The following GABRG1 variants were observed in gnomAD, a reference collection of about 807,000 sequenced individuals.
The protein encoded by GABRG1 is gamma-aminobutyric acid type A receptor subunit gamma1.
A neutral mutation model predicts 49.8 loss-of-function variants in GABRG1; 49 were observed. That is an observed-to-expected ratio of 0.98 (90% CI 0.78 to 1.25). The LOEUF (loss-of-function observed/expected upper bound fraction) is 1.25. GABRG1 is among the 50% of genes most tolerant of loss of function. The pLI, the probability that GABRG1 is intolerant of heterozygous loss-of-function variation, is 0.00. For missense variants in GABRG1, 552 were observed against 552.3 expected (o/e 1.00, Z 0.01); for synonymous variants, 232 against 185.1 (o/e 1.25, Z -2.06).
At chr4:46,050,692 G>A (rs992497997) in intron 8 of GABRG1, among the ~76,000 whole-genome samples, 8 of 151,750 alleles carry the variant, frequency 5.3e-5, no homozygotes, top group Non-Finnish European at 1.0e-4. Flanking sequence ...AAGGATCCAG[G>A]TCTGAGTCTT....
At chr4:46,073,612 T>G (rs1719220623) in intron 3 of GABRG1, among the ~76,000 whole-genome samples, 1 of 151,988 alleles carries the variant, frequency 6.6e-6, no homozygotes, top group African/African-American at 2.4e-5. Context: ...GTATGAAACA[T>G]AGTATGGTAA....
chr4:46,087,736 C>A (rs1002478021), intron 2 of GABRG1, among the ~76,000 whole-genome samples: 4 of 151,856 alleles, frequency 2.6e-5, no homozygotes, highest in African/African-American at 7.2e-5. Flanking sequence ...TTTCCCTAGA[C>A]TATACAGCAG....
intron 1 of GABRG1, among the ~76,000 whole-genome samples, chr4:46,112,635 A>G (rs546538621): frequency 7.3e-5 from 11 of 151,330 alleles, no homozygotes; most frequent in Admixed American, 6.0e-4. Flanking sequence ...GTACATAAAC[A>G]CTACATAGCC....
At chr4:46,071,614 T>G (rs979499379) in intron 3 of GABRG1, among the ~76,000 whole-genome samples, 2 of 151,708 alleles carry the variant, frequency 1.3e-5, no homozygotes, top group Non-Finnish European at 2.9e-5. Context: ...TTATTGCCCC[T>G]GAAGACCTTC....
chr4:46,052,237 AAAAG>A (rs751867626), intron 7 of GABRG1, among the ~76,000 whole-genome samples: 6 of 151,898 alleles, frequency 4.0e-5, no homozygotes, highest in South Asian at 2.1e-4. Flanking sequence ...ATAAAAAAAA[AAAAG>A]AAATACCTAC....
intron 1 of GABRG1, among the ~76,000 whole-genome samples, chr4:46,105,780 G>GGGTA (rs764027344): frequency 0.03 from 3,603 of 122,094 alleles, 100 homozygotes; most frequent in Admixed American, 0.079. Context: ...ATGGATGGAT[G>GGGTA]GGTAGATAGA....
chr4:46,110,829 AAGAC>A (rs1720689776), intron 1 of GABRG1, among the ~76,000 whole-genome samples: 2 of 151,154 alleles, frequency 1.3e-5, no homozygotes, highest in Non-Finnish European at 3.0e-5. Flanking sequence ...TCAAGAAACT[AAGAC>A]TTGAAGGAAC....
At position 46,037,818 on chromosome 4, in the gene GABRG1, G is replaced by T. The variant is rs1414532883; in HGVS notation, c.*3170C>A. 2.0e-5 allele frequency: 3 copies of T among 151,480 alleles called. No homozygotes were observed. The highest frequency in any genetic ancestry group is 3.0e-5 in the Non-Finnish European group (2 of 67,720). 9.4% of individuals were successfully genotyped at this position (151,480 alleles called of 1,614,324 possible). ...TGTATTTTTCACAAATTTTGACCTG[G>T]AATATAATTTCACATTTATAACTAT... On this transcript the variant is annotated 3_prime_UTR_variant, in exon 9 of 9. Transcript: ENST00000295452.
At chr4:46,099,120 C>G (rs1203893876) in intron 1 of GABRG1, among the ~76,000 whole-genome samples, 1 of 151,606 alleles carries the variant, frequency 6.6e-6, no homozygotes, top group Non-Finnish European at 1.5e-5. Context: ...TTCTCCTCTT[C>G]TTGTGAAATA....
At chr4:46,072,785 G>A (rs1403230662) in intron 3 of GABRG1, among the ~76,000 whole-genome samples, 1 of 151,606 alleles carries the variant, frequency 6.6e-6, no homozygotes, top group Non-Finnish European at 1.5e-5. Context: ...TGTGATGCTA[G>A]CTTCGCATGT....
Position 46,038,624 on chromosome 4 carries a change from C to A in GABRG1, c.*2364G>T, listed in dbSNP as rs543402592. 1 of 151,430 alleles carries A rather than the reference C, an allele frequency of 6.6e-6. No homozygotes were observed. The highest frequency in any genetic ancestry group is 2.1e-4 in the South Asian group (1 of 4,816). The allele number at this position is 151,430 out of a possible 1,614,324, so 9.4% of individuals were successfully genotyped here. On this transcript the variant is annotated 3_prime_UTR_variant, in exon 9 of 9. Coordinates refer to ENST00000295452, the MANE Select transcript of GABRG1 (RefSeq NM_173536.4). ...TAGAGGAACAGGAAATGAACTGAAT[C>A]AGCTTTGAAAAAAAGCTGTATTTGA... is the stretch of plus-strand genomic sequence containing the variant.
At chr4:46,084,235 A>C (rs1188624447) in intron 2 of GABRG1, among the ~76,000 whole-genome samples, 182 bp from the exon 3 acceptor site, 1 of 151,732 alleles carries the variant, frequency 6.6e-6, no homozygotes, top group African/African-American at 2.4e-5. Flanking sequence ...TTTGCAAATC[A>C]GTCACAGATA....
At position 46,056,150 on chromosome 4, in the gene GABRG1, TTAAAAAAAAAA is replaced by T. The variant is rs1228798452; in HGVS notation, c.916+2056_916+2066del. Among the ~76,000 whole-genome samples the T allele has an allele frequency of 5.2e-4, 24 of 46,068 alleles. 2 individuals are homozygous for T. Among genetic ancestry groups the T allele is most frequent in the Non-Finnish European group, 9.8e-4 (19 of 19,296 alleles). 30.2% of individuals were successfully genotyped at this position (46,068 alleles called of 152,430 possible). A position where few individuals can be genotyped will look rare whatever the true frequency, so the allele number is the denominator to read the frequency against. On this transcript the variant is annotated intron_variant, in intron 7 of 8. Coordinates refer to ENST00000295452, the MANE Select transcript of GABRG1 (RefSeq NM_173536.4). Reference sequence around the variant, plus strand: ...AAAAAAAAAAAAATAAATAAATAAATTAAAAAAAAAAAAAAAAAAAAAAAAAAAAATAGTCT... The same window carrying T: ...AAAAAAAAAAAAATAAATAAATAAATAAAAAAAAAAAAAAAAAAATAGTCT...
chr4:46,041,468 C>T (rs1272303066), intron 8 of GABRG1, among the ~76,000 whole-genome samples: 1 of 151,556 alleles, frequency 6.6e-6, no homozygotes, highest in East Asian at 1.9e-4. Flanking sequence ...ATGAAATACC[C>T]CTGAAAAATA....
At chr4:46,063,690 TA>T (rs1718799213) in intron 5 of GABRG1, among the ~76,000 whole-genome samples, 1 of 152,008 alleles carries the variant, frequency 6.6e-6, no homozygotes, top group Non-Finnish European at 1.5e-5. Flanking sequence ...GGGATCTAAT[TA>T]AACTAAAGAG....
intron 8 of GABRG1, among the ~76,000 whole-genome samples, chr4:46,047,898 T>C (rs911374034): frequency 6.6e-6 from 1 of 152,030 alleles, no homozygotes; most frequent in Non-Finnish European, 1.5e-5. Context: ...ACACATTCTA[T>C]CTCTTTTTTG....
At chr4:46,078,376 A>G (rs1318678263) in intron 3 of GABRG1, among the ~76,000 whole-genome samples, 1 of 152,050 alleles carries the variant, frequency 6.6e-6, no homozygotes, top group Admixed American at 6.6e-5. Context: ...TTAATATAGT[A>G]AAATGAATAA....
At chr4:46,103,579 A>G (rs955617462) in intron 1 of GABRG1, among the ~76,000 whole-genome samples, 1 of 151,558 alleles carries the variant, frequency 6.6e-6, no homozygotes. Context: ...TAATCAGTGA[A>G]TTAATATAAA....
At chr4:46,085,454 C>T (rs1488959961) in intron 2 of GABRG1, among the ~76,000 whole-genome samples, 1 of 151,442 alleles carries the variant, frequency 6.6e-6, no homozygotes, top group South Asian at 2.1e-4. Flanking sequence ...AATATTGCTA[C>T]TAATATAGAA....
Sources: allele counts gnomAD v4.1 joint callset (sites outside exome capture counted in the v4.1 genomes callset), GRCh38; gene constraint gnomAD v4.1.1; transcripts MANE v1.5; gene names NCBI Gene and HGNC (gene_info 2026-07-23, HGNC 2026-07-21).